Variants in PLXDC2 observed in about 807,000 individuals in gnomAD.
The protein encoded by PLXDC2 is plexin domain containing 2.
In PLXDC2, 40 loss-of-function variants were observed where a neutral mutation model predicts 68.9. The ratio of observed to expected loss-of-function variants is 0.58; its 90% CI spans 0.45 to 0.76. The LOEUF (loss-of-function observed/expected upper bound fraction) is 0.76, where lower values mean the gene tolerates loss of function less well. PLXDC2 is among the 30% of genes least tolerant of loss of function. The pLI is 0.00. For synonymous variants in PLXDC2, 243 were observed against 234.2 expected (o/e 1.04, Z -0.34); for missense variants, 644 against 661.9 (o/e 0.97, Z 0.30).
At chr10:20,023,336 C>A (rs577254499) in intron 2 of PLXDC2, among the ~76,000 whole-genome samples, 1 of 151,936 alleles carries the variant, frequency 6.6e-6, no homozygotes, top group Non-Finnish European at 1.5e-5. Flanking sequence ...AAACATTTCT[C>A]GATGTCATAA....
In PLXDC2 at chr10:19,817,147, A is replaced by G. The variant is rs767892275; in HGVS notation, c.68A>G (p.Asp23Gly). 6.3e-7 allele frequency: 1 copy of G among 1,576,446 alleles called. No individual in the cohort carries two copies. The highest frequency in any genetic ancestry group is 1.8e-5 in the Admixed American group (1 of 56,624). ...ATGTTACTTTGCCACTTCTTCACGGACCAGTTTCAGTTCGCCGATGGGAAA... is the reference window on the plus strand; with the variant it reads ...ATGTTACTTTGCCACTTCTTCACGGGCCAGTTTCAGTTCGCCGATGGGAAA... Reference protein sequence around the residue: ...GVMLLCHFFTDQFQFADGKPG... With the variant: ...GVMLLCHFFTGQFQFADGKPG... Residue 23 changes from aspartate (D) to glycine (G), a missense_variant, in exon 1 of 14, where the codon GAC (aspartate) becomes GGC (glycine). This residue lies in a region of PLXDC2 where 201 missense variants were observed against 166.9 expected (regional missense o/e 1.20). Transcript: ENST00000377252.
intron 1 of PLXDC2, among the ~76,000 whole-genome samples, chr10:19,864,456 G>A (rs910855534): frequency 4.6e-5 from 7 of 152,010 alleles, no homozygotes; most frequent in South Asian, 2.1e-4. Flanking sequence ...TTTGATTTTC[G>A]TCTCAAATTC....
intron 1 of PLXDC2, among the ~76,000 whole-genome samples, chr10:19,838,218 C>T (rs1435937833): frequency 6.6e-6 from 1 of 151,728 alleles, no homozygotes; most frequent in Non-Finnish European, 1.5e-5. Flanking sequence ...TCACCTAGGC[C>T]TCCCAAAGTG....
chr10:19,993,515 G>A (rs1240838774), intron 1 of PLXDC2, among the ~76,000 whole-genome samples: 2 of 152,170 alleles, frequency 1.3e-5, no homozygotes, highest in African/African-American at 4.8e-5. Context: ...TGCCTCCCGG[G>A]TTCAAGCAAT....
chr10:19,847,167 G>A (rs966270340), intron 1 of PLXDC2, among the ~76,000 whole-genome samples: 1 of 152,116 alleles, frequency 6.6e-6, no homozygotes, highest in African/African-American at 2.4e-5. Context: ...AGAATTTATT[G>A]GTCATTGTGT....
At chr10:19,958,310 C>G (rs938219419) in intron 1 of PLXDC2, among the ~76,000 whole-genome samples, 1 of 152,062 alleles carries the variant, frequency 6.6e-6, no homozygotes, top group African/African-American at 2.4e-5. Flanking sequence ...ACACCTGTCT[C>G]ATGCTATTGT....
rs1836197837 is a variant in PLXDC2, at chr10:20,289,161, G to A, written c.*9342G>A. 6.6e-6 allele frequency: 1 copy of A among 152,190 alleles called. No individual in the cohort carries two copies. The highest frequency in any genetic ancestry group is 2.4e-5 in the African/African-American group (1 of 41,440). 9.4% of individuals were successfully genotyped at this position (152,190 alleles called of 1,614,324 possible). A position where few individuals can be genotyped will look rare whatever the true frequency, so the allele number is the denominator to read the frequency against. ...CTGTGTGCAGAATTCAGAGGCACAAGGCTGATGGCAAGATAGAAAGTTATT... is the reference window on the plus strand; with the variant it reads ...CTGTGTGCAGAATTCAGAGGCACAAAGCTGATGGCAAGATAGAAAGTTATT... On this transcript the variant is annotated 3_prime_UTR_variant, in exon 14 of 14. Coordinates refer to ENST00000377252, the MANE Select transcript of PLXDC2 (RefSeq NM_032812.9).
intron 1 of PLXDC2, among the ~76,000 whole-genome samples, chr10:19,934,255 C>T (rs1424003351): frequency 1.3e-5 from 2 of 152,176 alleles, no homozygotes; most frequent in East Asian, 3.8e-4. Context: ...TTGCAATCTT[C>T]CATAATGCTC....
intron 9 of PLXDC2, among the ~76,000 whole-genome samples, chr10:20,187,490 C>T (rs530840066): frequency 4.6e-5 from 7 of 151,462 alleles, no homozygotes; most frequent in Admixed American, 1.3e-4. Flanking sequence ...GTGTTAGGAA[C>T]GTTTAAAATC....
chr10:20,074,552 A>G (rs949756194), intron 4 of PLXDC2, among the ~76,000 whole-genome samples: 2 of 152,164 alleles, frequency 1.3e-5, no homozygotes, highest in Non-Finnish European at 2.9e-5. Context: ...AGATTTTTTA[A>G]AAATATTAAT....
chr10:20,113,809 T>G (rs137966764), intron 4 of PLXDC2, among the ~76,000 whole-genome samples: 1 of 152,170 alleles, frequency 6.6e-6, no homozygotes, highest in Non-Finnish European at 1.5e-5. Context: ...CTTAATGTGG[T>G]GCTTATCAGA....
chr10:19,885,731 G>T lies in PLXDC2; in HGVS notation c.112+68540G>T, dbSNP rs1340309156. Among the ~76,000 whole-genome samples, 3 of 152,226 alleles carry T rather than the reference G, an allele frequency of 2.0e-5. No individual in the cohort carries two copies. The East Asian group carries it at 5.8e-4, about 29-fold the overall frequency. Reference sequence around the variant, plus strand: ...GATCTATATCTCTGTTTTGGTACCAGTACCATGCTGTTTTGGTTACTGTAG... The same window carrying T: ...GATCTATATCTCTGTTTTGGTACCATTACCATGCTGTTTTGGTTACTGTAG... On this transcript the variant is annotated intron_variant, in intron 1 of 13. Transcript: ENST00000377252.
chr10:20,124,060 C>T (rs1173523927), intron 4 of PLXDC2, among the ~76,000 whole-genome samples: 1 of 151,942 alleles, frequency 6.6e-6, no homozygotes. Context: ...GGTTGGGGTA[C>T]TTGCCCCTCC....
In PLXDC2 at chr10:20,001,781, A is replaced by G. The variant is rs1327103474; in HGVS notation, c.119A>G (p.Gln40Arg). ...GKPGDQILDW[Q>R]YGVTQAFPHT... Reference sequence around the variant, plus strand: ...TTCTTTCTTTTTCAAACAGATTGGCAGTATGGAGTTACTCAGGCCTTCCCT... The same window carrying G: ...TTCTTTCTTTTTCAAACAGATTGGCGGTATGGAGTTACTCAGGCCTTCCCT... The change falls in exon 2 of 14, where the codon CAG (glutamine) becomes CGG (arginine). Residue 40 changes from glutamine to arginine, a missense_variant. Around this residue, in one of 3 missense-constraint regions of PLXDC2, gnomAD observed 201 missense variants for 166.9 expected, o/e 1.20. Transcript: ENST00000377252. 4 of 1,613,936 alleles carry G rather than the reference A, an allele frequency of 2.5e-6. No homozygotes were observed. Among genetic ancestry groups the G allele is most frequent in the Non-Finnish European group, 2.5e-6 (3 of 1,179,872 alleles).
intron 2 of PLXDC2, among the ~76,000 whole-genome samples, chr10:20,021,156 C>G (rs1264988528): frequency 6.6e-6 from 1 of 152,062 alleles, no homozygotes; most frequent in African/African-American, 2.4e-5. Flanking sequence ...TCTCAAAAGC[C>G]TTTGCTCAAA....
intron 1 of PLXDC2, among the ~76,000 whole-genome samples, chr10:19,860,051 GA>G (rs1430283074): frequency 6.6e-6 from 1 of 152,118 alleles, no homozygotes; most frequent in Non-Finnish European, 1.5e-5. Context: ...TGTATTCAAA[GA>G]AAATCCTACT....
chr10:19,936,415 G>A (rs1833724516), intron 1 of PLXDC2, among the ~76,000 whole-genome samples: 1 of 152,208 alleles, frequency 6.6e-6, no homozygotes, highest in Admixed American at 6.5e-5. Context: ...AGTCAAATCT[G>A]ACACTGCACT....
At chr10:19,894,676 C>G (rs11011662) in intron 1 of PLXDC2, among the ~76,000 whole-genome samples, 30,071 of 151,968 alleles carry the variant, frequency 0.2, 3,504 homozygotes, top group South Asian at 0.27. Context: ...TTCTGGCATA[C>G]AAATGCACAT....
At chr10:20,263,713 G>GA (rs1222165196) in intron 13 of PLXDC2, among the ~76,000 whole-genome samples, 7 of 152,066 alleles carry the variant, frequency 4.6e-5, no homozygotes, top group Non-Finnish European at 1.0e-4. Context: ...AAAAAGCATA[G>GA]AAAAAAGCTG....
Sources: gnomAD v4.1 joint callset for allele counts (sites outside exome capture counted in the v4.1 genomes callset) on GRCh38, gnomAD v4.1.1 for gene constraint, gnomAD v4.1.1 regional missense constraint, MANE v1.5 for transcripts, NCBI Gene and HGNC (gene_info 2026-07-23, HGNC 2026-07-21) for gene names.